PHACTR3: variants seen among roughly 807,000 people sequenced by gnomAD.
The protein encoded by PHACTR3 is protein phosphatase 1, regulatory subunit 123.
Under a neutral mutation model 66.8 loss-of-function variants are expected in PHACTR3, and 16 were observed. The ratio of observed to expected loss-of-function variants is 0.24; its 90% CI spans 0.16 to 0.36. The LOEUF is 0.36. PHACTR3 is among the 10% of genes least tolerant of loss of function. PHACTR3 has a pLI of 1.00. For synonymous variants in PHACTR3, 323 were observed against 292.1 expected (o/e 1.11, Z -1.08); for missense variants, 647 against 719.9 (o/e 0.90, Z 1.16).
At chr20:59,591,619 A>G (rs1419898215) in intron 1 of PHACTR3, among the ~76,000 whole-genome samples, 3 of 152,044 alleles carry the variant, frequency 2.0e-5, no homozygotes, top group African/African-American at 7.2e-5. Flanking sequence ...CCCACAGTGC[A>G]GTGCCACTGG....
At chr20:59,677,234 T>C (rs982416607) in intron 1 of PHACTR3, among the ~76,000 whole-genome samples, 5 of 152,080 alleles carry the variant, frequency 3.3e-5, no homozygotes, top group Non-Finnish European at 7.4e-5. Context: ...AAATTCAAAG[T>C]AGAGGAGGTT....
At chr20:59,605,534 G>A (rs1291439040) in intron 1 of PHACTR3, among the ~76,000 whole-genome samples, 2 of 152,176 alleles carry the variant, frequency 1.3e-5, no homozygotes, top group East Asian at 3.9e-4. Context: ...TCCCCGCTTG[G>A]GCATCTGCTC....
At chr20:59,743,412 C>A in intron 2 of PHACTR3, 144 bp downstream of exon 2, 2 of 1,182,870 alleles carry the variant, frequency 1.7e-6, no homozygotes, top group Non-Finnish European at 2.3e-6. Flanking sequence ...GGCCAGGAGC[C>A]ATGCAAGTTA....
chr20:59,640,295 G>T (rs1265273462), intron 1 of PHACTR3, among the ~76,000 whole-genome samples: 2 of 152,182 alleles, frequency 1.3e-5, no homozygotes. Flanking sequence ...TACTGTCAAG[G>T]AACTTTCTCT....
chr20:59,758,254 A>G (rs185626609), intron 4 of PHACTR3, among the ~76,000 whole-genome samples: 3 of 152,340 alleles, frequency 2.0e-5, no homozygotes, highest in African/African-American at 7.2e-5. Flanking sequence ...AGAAAACATT[A>G]TTAATGTTCA....
intron 7 of PHACTR3, among the ~76,000 whole-genome samples, chr20:59,779,650 C>T (rs181079926): frequency 1.4e-3 from 218 of 152,360 alleles, no homozygotes; most frequent in African/African-American, 4.0e-3. Flanking sequence ...GTTTGGCAGA[C>T]GTTGTCTTAT....
intron 1 of PHACTR3, among the ~76,000 whole-genome samples, chr20:59,677,080 C>A (rs186340384): frequency 4.6e-5 from 7 of 152,176 alleles, no homozygotes; most frequent in African/African-American, 1.7e-4. Context: ...GGTATTTTAA[C>A]CTATTACTTC....
intron 1 of PHACTR3, among the ~76,000 whole-genome samples, chr20:59,591,944 C>T (rs1419001288): frequency 6.6e-6 from 1 of 152,114 alleles, no homozygotes; most frequent in Admixed American, 6.6e-5. Flanking sequence ...TCTGGCTGCT[C>T]CCAGAGAAGT....
At chr20:59,757,624 G>T (rs2039848417) in intron 4 of PHACTR3, among the ~76,000 whole-genome samples, 1 of 152,164 alleles carries the variant, frequency 6.6e-6, no homozygotes, top group Admixed American at 6.5e-5. Context: ...GTGGTGAAAG[G>T]GTGGGGCTCT....
chr20:59,772,164 C>T (rs1292743101), intron 5 of PHACTR3, among the ~76,000 whole-genome samples: 1 of 152,246 alleles, frequency 6.6e-6, no homozygotes, highest in Admixed American at 6.5e-5. Context: ...CTGCAGAAGA[C>T]AAAGCCCATG....
chr20:59,621,372 C>T (rs944325475), intron 1 of PHACTR3, among the ~76,000 whole-genome samples: 1 of 152,256 alleles, frequency 6.6e-6, no homozygotes, highest in South Asian at 2.1e-4. Context: ...ATGAGTCGGA[C>T]CCCACACAGG....
chr20:59,805,489 C>T (rs1028961785), intron 7 of PHACTR3, among the ~76,000 whole-genome samples: 6 of 152,164 alleles, frequency 3.9e-5, no homozygotes, highest in Admixed American at 6.5e-5. Context: ...ATTGAAGGCT[C>T]AGAGGGTTTC....
At chr20:59,816,301 C>T (rs1040824955) in intron 8 of PHACTR3, among the ~76,000 whole-genome samples, 3 of 152,180 alleles carry the variant, frequency 2.0e-5, no homozygotes, top group Non-Finnish European at 4.4e-5. Context: ...TACTCACCTC[C>T]TGCTGTGTGG....
chr20:59,827,876 C>T (rs971804026), intron 8 of PHACTR3, among the ~76,000 whole-genome samples: 2 of 152,094 alleles, frequency 1.3e-5, no homozygotes, highest in African/African-American at 4.8e-5. Context: ...AGTTGCCCTG[C>T]CTCCTATGCC....
chr20:59,598,522 T>C (rs1003924613), intron 1 of PHACTR3, among the ~76,000 whole-genome samples: 2 of 152,116 alleles, frequency 1.3e-5, no homozygotes, highest in Non-Finnish European at 2.9e-5. Flanking sequence ...CAGGAAGCCA[T>C]GGGATGCCCA....
chr20:59,694,159 A>G (rs920993534), intron 1 of PHACTR3, among the ~76,000 whole-genome samples: 1 of 152,214 alleles, frequency 6.6e-6, no homozygotes, highest in Non-Finnish European at 1.5e-5. Flanking sequence ...TGCAGACTCT[A>G]TCTGTCTTTC....
chr20:59,677,153 A>G (rs2036476710), intron 1 of PHACTR3, among the ~76,000 whole-genome samples: 1 of 152,228 alleles, frequency 6.6e-6, no homozygotes, highest in South Asian at 2.1e-4. Flanking sequence ...GATCGTTTCC[A>G]GGAAATAATA....
intron 7 of PHACTR3, among the ~76,000 whole-genome samples, chr20:59,797,579 G>C (rs2041288860): frequency 6.6e-6 from 1 of 152,066 alleles, no homozygotes; most frequent in Non-Finnish European, 1.5e-5. Context: ...TATAGTCTCT[G>C]TGCAGGTTTT....
At chr20:59,840,143 T>C (rs904008557) in intron 9 of PHACTR3, among the ~76,000 whole-genome samples, 6 of 152,054 alleles carry the variant, frequency 3.9e-5, no homozygotes, top group African/African-American at 1.4e-4. Flanking sequence ...GGAGACCAGG[T>C]TGGGATGACA....
Sources: allele counts gnomAD v4.1 joint callset (sites outside exome capture counted in the v4.1 genomes callset), GRCh38; gene constraint gnomAD v4.1.1; transcripts MANE v1.5; gene names NCBI Gene and HGNC (gene_info 2026-07-23, HGNC 2026-07-21).